The following TTC16 variants were observed in gnomAD, a reference collection of about 807,000 sequenced individuals.
TTC16 encodes the protein tetratricopeptide repeat protein 16.
TTC16 carries 66 observed loss-of-function variants against 80.4 expected under a neutral mutation model. The observed-to-expected ratio is 0.82, with a 90% confidence interval of 0.67 to 1.01. The LOEUF is 1.01. Ranked by LOEUF, TTC16 falls within the 50% of genes least tolerant of loss-of-function variation. The pLI is 0.00. For synonymous variants in TTC16, 438 were observed against 451.3 expected, an observed-to-expected ratio of 0.97 and a Z score of 0.37; for missense variants, 1,070 against 1,103.2, an observed-to-expected ratio of 0.97 and a Z score of 0.43.
At chr9:127,729,744 G>A (rs1396884235) in intron 13 of TTC16, 76 bp downstream of exon 13, 49 of 1,413,960 alleles carry the variant, frequency 3.5e-5, no homozygotes, top group Non-Finnish European at 4.6e-5. Flanking sequence ...GTCGAAGACC[G>A]CTGGCCTAGG....
intron 4 of TTC16, among the ~76,000 whole-genome samples, chr9:127,719,287 G>A (rs1056693386): frequency 1.3e-5 from 2 of 152,092 alleles, no homozygotes; most frequent in African/African-American, 4.8e-5. Context: ...TCTGTTGGGG[G>A]CCCATGTCCT....
chr9:127,720,033 T>G (rs1843324175), intron 4 of TTC16, 45 bp from the exon 5 acceptor site: 6 of 1,580,730 alleles, frequency 3.8e-6, no homozygotes, highest in Non-Finnish European at 5.2e-6. Context: ...GGGGTGCAGC[T>G]GGGCTGGGGT....
chr9:127,727,026 C>A lies in TTC16; in HGVS notation c.1482C>A (p.Ser494Arg). The part of the protein sequence containing the change: ...FPGMSVEEVL[S>R]TQIAHLARLQ... ...GCATGTCGGTGGAGGAGGTGCTTAGCACCCAGATAGCCCACCTGGCCAGGC... is the reference window on the plus strand; with the variant it reads ...GCATGTCGGTGGAGGAGGTGCTTAGAACCCAGATAGCCCACCTGGCCAGGC... Residue 494 changes from serine (S) to arginine (R), a missense_variant, in exon 11 of 14, where the codon AGC (serine) becomes AGA (arginine). Ser to Arg is a moderately radical substitution (Grantham distance 110). Transcript: ENST00000373289. The A allele has an allele frequency of 6.2e-7, 1 of 1,612,850 alleles. No homozygotes were observed. Among genetic ancestry groups the A allele is most frequent in the South Asian group, 1.1e-5 (1 of 91,090 alleles).
chr9:127,717,895 C>T (rs924215432), intron 4 of TTC16, 123 bp downstream of exon 4: 52 of 1,262,788 alleles, frequency 4.1e-5, no homozygotes, highest in African/African-American at 1.8e-4. Context: ...GGGTCCCCCC[C>T]GCTGCCCCTC....
rs373477214 is a variant in TTC16 at position 127,730,669 on chromosome 9, C to T, written c.1886C>T (p.Ser629Leu). The T allele has an allele frequency of 1.5e-4, 244 of 1,612,996 alleles. 1 individual carries two copies. In the South Asian group the frequency reaches 1.7e-3, roughly 11 times the overall value. The change falls in exon 14 of 14, where the codon TCG (serine) becomes TTG (leucine). Residue 629 changes from serine to leucine, a missense_variant. Ser to Leu is a moderately radical substitution (Grantham distance 145). Transcript: ENST00000373289. ...ACAGGCACCTCAGAGACTGAGATGT[C>T]GGCTATCTGCCAGGAATACAGGAGC... ...RTTGTSETEM[S>L]AICQEYRSTS...
rs760534460 is a variant in TTC16 at position 127,724,261 on chromosome 9, C to G, written c.1014C>G (p.Ala338=). The change falls in exon 8 of 14, where the codon GCC becomes GCG. Residue 338 remains alanine (A), a synonymous_variant. Coordinates refer to ENST00000373289, the MANE Select transcript of TTC16 (RefSeq NM_144965.3). ...TGTTGCTGACCTACAACGACTTTGC[C>G]GTGCACTGCTACAGGCAGGGCGCCT... ...RQLLLTYNDF[A]VHCYRQGAYQ... is the part of the protein sequence containing the mutation. The G allele has an allele frequency of 1.9e-6, 3 of 1,613,078 alleles. No homozygotes were observed. The highest frequency in any genetic ancestry group is 1.7e-5 in the Admixed American group (1 of 60,026).
At chr9:127,729,251 G>C (rs879196935) in intron 12 of TTC16, 29 of 248,296 alleles carry the variant, frequency 1.2e-4, no homozygotes, top group African/African-American at 5.9e-4. Flanking sequence ...CAAGTCCTCC[G>C]TAAGCATTCC....
chr9:127,716,351 G>C, intron 1 of TTC16, 188 bp downstream of exon 1: 1 of 832,554 alleles, frequency 1.2e-6, no homozygotes, highest in Non-Finnish European at 1.9e-6. Context: ...TGCTTGGACA[G>C]AGGTCTCTGG....
Position 127,731,296 on chromosome 9 carries a change from G to A in TTC16, c.2513G>A (p.Ser838Asn). ...AAGGCTGAGGGTGCCCAGGGCAAGAGCCAGGGCATGAGCTCAACTTCCAGC... is the reference window on the plus strand; with the variant it reads ...AAGGCTGAGGGTGCCCAGGGCAAGAACCAGGGCATGAGCTCAACTTCCAGC... ...SSKAEGAQGKSQGMSSTSSKA... is the reference protein window; with the variant it reads ...SSKAEGAQGKNQGMSSTSSKA... The change falls in exon 14 of 14, where the codon AGC becomes AAC. Residue 838 changes from serine (S) to asparagine (N), a missense_variant. Transcript: ENST00000373289. 6.2e-7 allele frequency: 1 copy of A among 1,613,224 alleles called. No individual in the cohort carries two copies. The highest frequency in any genetic ancestry group is 8.5e-7 in the Non-Finnish European group (1 of 1,180,036).
rs545972783 is a variant in TTC16 at position 127,722,034 on chromosome 9, A to G, written c.658-1085A>G. On this transcript the variant is annotated intron_variant, in intron 6 of 13. Coordinates refer to ENST00000373289, the MANE Select transcript of TTC16 (RefSeq NM_144965.3). This position sits in a 1 kb window ranked among gnomAD's most constrained non-coding sequence, Gnocchi z 4.2. ...CCCTCCGATACGTAGGCGTGTTCTC[A>G]GCACTTTGCCCCTGCTTAGCTGTGA... is the stretch of plus-strand genomic sequence containing the variant. Among the ~76,000 whole-genome samples the G allele has an allele frequency of 1.3e-5, 2 of 152,258 alleles. No homozygotes were observed. Among genetic ancestry groups the G allele is most frequent in the South Asian group, 4.1e-4 (2 of 4,824 alleles).
chr9:127,716,620 T>C, intron 1 of TTC16: 1 of 604,210 alleles, frequency 1.7e-6, no homozygotes, highest in Non-Finnish European at 2.9e-6. Context: ...CCCTGATCCC[T>C]GACCTTGACC....
chr9:127,726,679 T>A (rs1164016765), intron 10 of TTC16, among the ~76,000 whole-genome samples: 1 of 151,452 alleles, frequency 6.6e-6, no homozygotes, highest in Non-Finnish European at 1.5e-5. Flanking sequence ...TTCCAGCTAC[T>A]CAGGAGGCTG....
chr9:127,718,548 A>C lies in TTC16; in HGVS notation c.426+776A>C, dbSNP rs1292890746. Among the ~76,000 whole-genome samples, 1 of 152,092 alleles carries C rather than the reference A, an allele frequency of 6.6e-6. No individual in the cohort carries two copies. The highest frequency in any genetic ancestry group is 1.5e-5 in the Non-Finnish European group (1 of 68,010). ...TTCAAAGGAAAAACAATATTAAACT[A>C]TAAAACACCAACGAAGTGTTGCTTT... On this transcript the variant is annotated intron_variant, in intron 4 of 13. Coordinates refer to ENST00000373289, the MANE Select transcript of TTC16 (RefSeq NM_144965.3). This position sits in a 1 kb window ranked among gnomAD's most constrained non-coding sequence, Gnocchi z 4.6.
intron 3 of TTC16, 73 bp from the exon 4 acceptor site, chr9:127,717,556 G>T (rs1206362791): frequency 2.5e-6 from 4 of 1,587,926 alleles, no homozygotes; most frequent in Middle Eastern, 1.7e-4. Flanking sequence ...TCTCAGGGGG[G>T]TGGAGACTTT....
rs746297497 is a variant in TTC16 at position 127,726,272 on chromosome 9, G to C, written c.1293G>C (p.Thr431=). The C allele has an allele frequency of 3.1e-6, 5 of 1,602,930 alleles. No homozygotes were observed. The highest frequency in any genetic ancestry group is 1.7e-5 in the Admixed American group (1 of 59,350). Reference sequence around the variant, plus strand: ...AGAAGGCAGAGAACCACTTCTCCACGGCCATCCGGCACAACCCCCAGAAGG... The same window carrying C: ...AGAAGGCAGAGAACCACTTCTCCACCGCCATCCGGCACAACCCCCAGAAGG... ...QFQKAENHFS[T]AIRHNPQKAQ... is the part of the protein sequence containing the mutation. Residue 431 remains threonine, a synonymous_variant, in exon 10 of 14, where the codon ACG becomes ACC. Transcript: ENST00000373289.
In TTC16 at chr9:127,727,625, G is replaced by A. The variant is rs189597582; in HGVS notation, c.1764+160G>A. ...GGCTGGGGACATCTTGCTATGAGATGGGGATGGTACCAGCAAGGGGTGCTC... is the reference window on the plus strand; with the variant it reads ...GGCTGGGGACATCTTGCTATGAGATAGGGATGGTACCAGCAAGGGGTGCTC... On this transcript the variant is annotated intron_variant, in intron 12 of 13. Transcript: ENST00000373289. 8.9e-5 allele frequency: 124 copies of A among 1,388,276 alleles called. No homozygotes were observed. In the East Asian group the frequency reaches 3.1e-3, roughly 34 times the overall value. The allele number at this position is 1,388,276 out of a possible 1,614,324, so 86.0% of individuals were successfully genotyped here.
intron 13 of TTC16, chr9:127,730,034 G>C (rs1013536822): frequency 3.6e-6 from 1 of 275,174 alleles, no homozygotes; most frequent in East Asian, 9.1e-5. Context: ...GCCCCAAGGC[G>C]GGTGTGCGCA....
Position 127,730,688 on chromosome 9 carries a change from C to G in TTC16, c.1905C>G (p.Tyr635Ter). ...ETEMSAICQEYRSTSATAVTF... is the reference protein window; with the variant it reads ...ETEMSAICQE The stretch of plus-strand genomic sequence containing the variant: ...AGATGTCGGCTATCTGCCAGGAATA[C>G]AGGAGCACCTCAGCCACCGCCGTGA... Residue 635 changes from tyrosine to a stop codon, truncating the protein, a stop_gained, in exon 14 of 14, where the codon TAC (tyrosine) becomes TAG (stop). Coordinates refer to ENST00000373289, the MANE Select transcript of TTC16 (RefSeq NM_144965.3). LOFTEE classifies it low-confidence loss of function (END_TRUNC). The G allele has an allele frequency of 1.9e-6, 3 of 1,613,276 alleles. No homozygotes were observed.
chr9:127,727,347 T>C lies in TTC16; in HGVS notation c.1646T>C (p.Ile549Thr), dbSNP rs749538923. The stretch of plus-strand genomic sequence containing the variant: ...TCATGGAAGCAGGGGGAGCCTTTGA[T>C]TGCGACCTCCGAGGAGCTGAAGGCC... ...QHSWKQGEPLIATSEELKATP... is the reference protein window; with the variant it reads ...QHSWKQGEPLTATSEELKATP... The change falls in exon 12 of 14, where the codon ATT becomes ACT. Residue 549 changes from isoleucine (I) to threonine (T), a missense_variant. Transcript: ENST00000373289. 43 of 1,607,146 alleles carry C rather than the reference T, an allele frequency of 2.7e-5. No homozygotes were observed. Among genetic ancestry groups the C allele is most frequent in the Admixed American group, 1.7e-4 (10 of 59,630 alleles).
Sources: gnomAD v4.1 joint callset for allele counts (sites outside exome capture counted in the v4.1 genomes callset) on GRCh38, gnomAD v4.1.1 for gene constraint, Gnocchi (gnomAD v3.1) non-coding constraint, MANE v1.5 for transcripts, NCBI Gene and HGNC (gene_info 2026-07-23, HGNC 2026-07-21) for gene names.